Variants in RGS14 observed in about 807,000 individuals in gnomAD.
The protein encoded by RGS14 is regulator of G-protein signaling 14.
In RGS14, 33 loss-of-function variants were observed where a neutral mutation model predicts 63.8. That is an observed-to-expected ratio of 0.52 (90% CI 0.39 to 0.69). RGS14 has a LOEUF of 0.69. Ranked by LOEUF, RGS14 falls within the 30% of genes least tolerant of loss-of-function variation. The probability of loss-of-function intolerance (pLI) is 0.00; values close to 1 mark genes in which losing one functional copy is unlikely to be tolerated. For missense variants in RGS14, 739 were observed against 742.9 expected, an observed-to-expected ratio of 0.99 and a Z score of 0.06; for synonymous variants, 296 against 320.9, an observed-to-expected ratio of 0.92 and a Z score of 0.83.
At position 177,371,156 on chromosome 5, in the gene RGS14, TC is replaced by T. The variant is rs1762256856; in HGVS notation, c.1255-5del. The T allele has an allele frequency of 6.2e-7, 1 of 1,606,834 alleles. No homozygotes were observed. Among genetic ancestry groups the T allele is most frequent in the Admixed American group, 1.7e-5 (1 of 59,330 alleles). The stretch of plus-strand genomic sequence containing the variant: ...GCCTGTACCGCGGGCTGCTGACCTC[TC>T]CCCACAGCCAGGCGAGAAACAGCCT... On this transcript the variant is annotated splice_region_variant and splice_polypyrimidine_tract_variant and intron_variant, in intron 11 of 14. Transcript: ENST00000408923. This position sits in a 1 kb window ranked among gnomAD's most constrained non-coding sequence, Gnocchi z 6.1.
Position 177,367,530 on chromosome 5 carries a change from C to T in RGS14, c.600C>T (p.Arg200=). ...GRPLREPGSS[R]LGSPDATRKK... ...CTCTGCGGGAACCTGGCTCCTCGCG[C>T]CTCGGCAGCCCTGACGCCACGAGGA... Residue 200 remains arginine, a synonymous_variant, in exon 6 of 15, where the codon CGC becomes CGT. Coordinates refer to ENST00000408923, the MANE Select transcript of RGS14 (RefSeq NM_006480.5). 6.2e-7 allele frequency: 1 copy of T among 1,611,310 alleles called. No individual in the cohort carries two copies. The highest frequency in any genetic ancestry group is 8.5e-7 in the Non-Finnish European group (1 of 1,178,882).
In RGS14 at chr5:177,368,701, T is replaced by G. The variant is rs1271056705; in HGVS notation, c.850-16T>G. On this transcript the variant is annotated splice_polypyrimidine_tract_variant and intron_variant, in intron 8 of 14. Coordinates refer to ENST00000408923, the MANE Select transcript of RGS14 (RefSeq NM_006480.5). Reference sequence around the variant, plus strand: ...CATGTGTACACATAATCTCCCCCACTCCTGCCATGAATCAGAGCCACCGGA... The same window carrying G: ...CATGTGTACACATAATCTCCCCCACGCCTGCCATGAATCAGAGCCACCGGA... 6.2e-7 allele frequency: 1 copy of G among 1,613,288 alleles called. No homozygotes were observed.
At chr5:177,369,252 G>T (rs1211488424) in intron 9 of RGS14, among the ~76,000 whole-genome samples, 2 of 152,140 alleles carry the variant, frequency 1.3e-5, no homozygotes, top group African/African-American at 2.4e-5. Flanking sequence ...GCCATCCGTG[G>T]GGTGCCCTCA....
chr5:177,361,194 G>A (rs1212477534), intron 1 of RGS14, among the ~76,000 whole-genome samples: 1 of 152,188 alleles, frequency 6.6e-6, no homozygotes, highest in Non-Finnish European at 1.5e-5. Flanking sequence ...TTATACAGGG[G>A]CAAGGCCAGG....
chr5:177,367,018 G>T lies in RGS14; in HGVS notation c.467G>T (p.Arg156Leu), dbSNP rs759274665. ...GCCGAGCCCCGGCCGGACATGTTTC[G>T]GGCACAGCAGCTTCAGGTGGGCGAT... The part of the protein sequence containing the change: ...VLAEPRPDMF[R>L]AQQLQIFNLM... The change falls in exon 5 of 15, where the codon CGG (arginine) becomes CTG (leucine). Residue 156 changes from arginine to leucine, a missense_variant. Physicochemically the swap from Arg to Leu is moderately radical, Grantham distance 102. Coordinates refer to ENST00000408923, the MANE Select transcript of RGS14 (RefSeq NM_006480.5). The T allele has an allele frequency of 1.2e-6, 2 of 1,610,900 alleles. No homozygotes were observed. The highest frequency in any genetic ancestry group is 1.7e-6 in the Non-Finnish European group (2 of 1,179,042).
At chr5:177,363,792 G>A (rs1666180208) in intron 1 of RGS14, among the ~76,000 whole-genome samples, 1 of 152,070 alleles carries the variant, frequency 6.6e-6, no homozygotes, top group South Asian at 2.1e-4. Context: ...GCACAAATTT[G>A]ACCTCCCAAA....
chr5:177,367,561 C>A lies in RGS14; in HGVS notation c.627+4C>A. 6.2e-7 allele frequency: 1 copy of A among 1,605,894 alleles called. No individual in the cohort carries two copies. The highest frequency in any genetic ancestry group is 8.5e-7 in the Non-Finnish European group (1 of 1,176,020). The stretch of plus-strand genomic sequence containing the variant: ...CAGCCCTGACGCCACGAGGAAGGTG[C>A]GTGGGACTGGGCGAGGGACTGGGCG... On this transcript the variant is annotated splice_donor_region_variant and intron_variant, in intron 6 of 14. Coordinates refer to ENST00000408923, the MANE Select transcript of RGS14 (RefSeq NM_006480.5).
intron 5 of RGS14, 181 bp downstream of exon 5, chr5:177,367,215 A>T (rs901736010): frequency 9.2e-7 from 1 of 1,085,892 alleles, no homozygotes; most frequent in Non-Finnish European, 1.3e-6. Context: ...ACGGGGAAGG[A>T]CAGTTAGAGG....
Position 177,367,444 on chromosome 5 carries a change from G to A in RGS14, c.514G>A (p.Ala172Thr), listed in dbSNP as rs1762127376. 12 of 1,611,496 alleles carry A rather than the reference G, an allele frequency of 7.4e-6. No homozygotes were observed. Among genetic ancestry groups the A allele is most frequent in the Non-Finnish European group, 9.3e-6 (11 of 1,178,854 alleles). The change falls in exon 6 of 15, where the codon GCG (alanine) becomes ACG (threonine). Residue 172 changes from alanine to threonine, a missense_variant. Transcript: ENST00000408923. ...CAACTTGATGAAGTTCGACAGCTATGCGCGCTTCGTCAAGTCCCCGCTGTA... is the reference window on the plus strand; with the variant it reads ...CAACTTGATGAAGTTCGACAGCTATACGCGCTTCGTCAAGTCCCCGCTGTA... ...IFNLMKFDSY[A>T]RFVKSPLYRE...
At chr5:177,367,337 A>T in intron 5 of RGS14, 77 bp from the exon 6 acceptor site, 2 of 1,492,618 alleles carry the variant, frequency 1.3e-6, no homozygotes, top group Non-Finnish European at 1.8e-6. Flanking sequence ...GGCCAGCCCC[A>T]AGGACCCGGC....
In RGS14 at chr5:177,372,294, T is replaced by G; in HGVS notation, c.*219T>G. The G allele has an allele frequency of 1.8e-6, 1 of 550,358 alleles. No homozygotes were observed. Among genetic ancestry groups the G allele is most frequent in the Non-Finnish European group, 3.2e-6 (1 of 309,810 alleles). 34.1% of individuals were successfully genotyped at this position (550,358 alleles called of 1,614,324 possible). ...CCTCAACAAGCTCACCCCCAATCCC[T>G]TGCAGCCAGGCCACAATGGGGGAGG... is the stretch of plus-strand genomic sequence containing the variant. On this transcript the variant is annotated 3_prime_UTR_variant, in exon 15 of 15. Coordinates refer to ENST00000408923, the MANE Select transcript of RGS14 (RefSeq NM_006480.5).
rs768052719 is a variant in RGS14, at chr5:177,370,888, C to T, written c.1128-17C>T. 3.1e-6 allele frequency: 5 copies of T among 1,597,320 alleles called. No individual in the cohort carries two copies. Among genetic ancestry groups the T allele is most frequent in the Admixed American group, 3.4e-5 (2 of 59,462 alleles). ...GGCCGGCCCTCCGGCCCTCTGCTGC[C>T]CGAGGGTTCCTCGCAGGCTGGAGCT... On this transcript the variant is annotated splice_polypyrimidine_tract_variant and intron_variant, in intron 10 of 14. Transcript: ENST00000408923.
rs368181197 is a variant in RGS14, at chr5:177,370,920, G to C, written c.1143G>C (p.Ala381=). Residue 381 remains alanine (A), a synonymous_variant, in exon 11 of 15, where the codon GCG becomes GCC. Transcript: ENST00000408923. The stretch of plus-strand genomic sequence containing the variant: ...TTCCTCGCAGGCTGGAGCTGACGGC[G>C]CTGGAGCGCGTGGTACGAATCTCAG... The part of the protein sequence containing the change: ...NRITFELELT[A]LERVVRISAK... 1 of 1,606,056 alleles carries C rather than the reference G, an allele frequency of 6.2e-7. No homozygotes were observed. Among genetic ancestry groups the C allele is most frequent in the Non-Finnish European group, 8.5e-7 (1 of 1,179,660 alleles).
chr5:177,365,924 A>G, intron 1 of RGS14, 39 bp from the exon 2 acceptor site: 1 of 1,610,868 alleles, frequency 6.2e-7, no homozygotes. Flanking sequence ...GGGAATCCTC[A>G]CTGGGCTCTT....
chr5:177,367,666 T>G (rs754016735), intron 6 of RGS14, 48 bp from the exon 7 acceptor site: 1 of 1,595,414 alleles, frequency 6.3e-7, no homozygotes, highest in South Asian at 1.1e-5. Context: ...ACGGTCTGCA[T>G]GCGGGCTGGG....
At position 177,368,800 on chromosome 5, in the gene RGS14, C is replaced by T; in HGVS notation, c.933C>T (p.Gly311=). 1 of 1,614,250 alleles carries T rather than the reference C, an allele frequency of 6.2e-7. No homozygotes were observed. Among genetic ancestry groups the T allele is most frequent in the Non-Finnish European group, 8.5e-7 (1 of 1,180,040 alleles). Residue 311 remains glycine, a synonymous_variant, in exon 9 of 15, where the codon GGC becomes GGT. Coordinates refer to ENST00000408923, the MANE Select transcript of RGS14 (RefSeq NM_006480.5). The part of the protein sequence containing the change: ...GKYCCVYLPD[G]TASLALARPG... ...ACTGCTGTGTGTACCTGCCCGATGG[C>T]ACAGCCTCCTTGGCCCTGGCCAGAC...
intron 8 of RGS14, 76 bp from the exon 9 acceptor site, chr5:177,368,640 CT>C: frequency 6.8e-7 from 1 of 1,469,180 alleles, no homozygotes; most frequent in South Asian, 1.2e-5. Context: ...CCCCAGCAAG[CT>C]TACCTATCTC....
chr5:177,366,493 A>C (rs148161799), intron 3 of RGS14, 138 bp downstream of exon 3: 7 of 876,920 alleles, frequency 8.0e-6, no homozygotes, highest in Non-Finnish European at 1.2e-5. Flanking sequence ...CTCTTCTCCC[A>C]GCTGGGAACT....
At chr5:177,369,187 C>T in intron 9 of RGS14, 1 of 514,214 alleles carries the variant, frequency 1.9e-6, no homozygotes, top group Non-Finnish European at 3.5e-6. Flanking sequence ...TGGGGTTTGC[C>T]CCTCATCATT....
Sources: gnomAD v4.1 joint callset for allele counts (sites outside exome capture counted in the v4.1 genomes callset) on GRCh38, gnomAD v4.1.1 for gene constraint, Gnocchi (gnomAD v3.1) non-coding constraint, MANE v1.5 for transcripts, NCBI Gene and HGNC (gene_info 2026-07-23, HGNC 2026-07-21) for gene names.